Variants in DSCAM observed in about 807,000 individuals in gnomAD.
DSCAM encodes DS cell adhesion molecule.
Under a neutral mutation model 217.7 loss-of-function variants are expected in DSCAM, and 47 were observed. The observed-to-expected ratio is 0.22, with a 90% confidence interval of 0.17 to 0.28. DSCAM has a LOEUF of 0.28. DSCAM is among the 10% of genes least tolerant of loss of function. The pLI is 1.00. For synonymous variants in DSCAM, 1,056 were observed against 1,015.3 expected (o/e 1.04, Z -0.76); for missense variants, 2,080 against 2,618.3 (o/e 0.79, Z 4.49).
At chr21:40,079,344 T>C in intron 25 of DSCAM, among the ~76,000 whole-genome samples, 1 of 152,150 alleles carries the variant, frequency 6.6e-6, no homozygotes, top group East Asian at 1.9e-4. Context: ...GAAGACAGAG[T>C]TGGATTTGGG....
intron 4 of DSCAM, among the ~76,000 whole-genome samples, chr21:40,364,538 G>A (rs944544021): frequency 5.7e-5 from 8 of 139,304 alleles, no homozygotes; most frequent in African/African-American, 1.8e-4. Flanking sequence ...TGGGATGGGG[G>A]GAGGGGGGAG....
chr21:40,561,026 G>T (rs2076716395), intron 3 of DSCAM, among the ~76,000 whole-genome samples: 1 of 152,174 alleles, frequency 6.6e-6, no homozygotes, highest in African/African-American at 2.4e-5. Flanking sequence ...TACATTAAGT[G>T]TCGTATGTTA....
At chr21:40,246,037 C>T (rs1310537563) in intron 11 of DSCAM, among the ~76,000 whole-genome samples, 3 of 152,056 alleles carry the variant, frequency 2.0e-5, no homozygotes, top group Non-Finnish European at 4.4e-5. Context: ...TCTCTATAAA[C>T]CCCACCTCCT....
chr21:40,747,867 T>C lies in DSCAM; in HGVS notation c.44-39096A>G, dbSNP rs1349843136. ...ATTCAATAATATATTAAAAAGATAA[T>C]TCACCATGATCAAGTGGGATTCATC... On this transcript the variant is annotated intron_variant, in intron 1 of 32. Transcript: ENST00000400454. Among the ~76,000 whole-genome samples, 3 of 151,856 alleles carry C rather than the reference T, an allele frequency of 2.0e-5. No individual in the cohort carries two copies. The East Asian group carries it at 5.8e-4, about 29-fold the overall frequency.
intron 1 of DSCAM, among the ~76,000 whole-genome samples, chr21:40,712,239 G>C (rs529823336): frequency 1.4e-5 from 2 of 142,390 alleles, no homozygotes; most frequent in East Asian, 4.8e-4. Flanking sequence ...TGTGTAGTTT[G>C]TTTTATGAAA....
intron 11 of DSCAM, among the ~76,000 whole-genome samples, chr21:40,231,461 C>G (rs115111051): frequency 6.6e-6 from 1 of 152,008 alleles, no homozygotes; most frequent in African/African-American, 2.4e-5. Flanking sequence ...ATTCAGTTCT[C>G]TGTAAGAAAA....
chr21:40,387,812 G>A (rs2075100445), intron 3 of DSCAM, among the ~76,000 whole-genome samples: 1 of 152,070 alleles, frequency 6.6e-6, no homozygotes, highest in Non-Finnish European at 1.5e-5. Context: ...GTGAATAAGA[G>A]TATATCATAA....
At chr21:40,583,565 G>GA (rs977000893) in intron 3 of DSCAM, among the ~76,000 whole-genome samples, 34 of 151,812 alleles carry the variant, frequency 2.2e-4, no homozygotes, top group African/African-American at 8.2e-4. Context: ...GAGTGGGAAG[G>GA]AAAAAAGAGA....
At chr21:40,787,914 G>A (rs1436699371) in intron 1 of DSCAM, among the ~76,000 whole-genome samples, 1 of 152,126 alleles carries the variant, frequency 6.6e-6, no homozygotes. Flanking sequence ...TAGCAAACCT[G>A]AAGTAGTAAA....
intron 3 of DSCAM, among the ~76,000 whole-genome samples, chr21:40,605,312 G>A (rs2089217887): frequency 6.6e-6 from 1 of 152,150 alleles, no homozygotes; most frequent in South Asian, 2.1e-4. Flanking sequence ...TTGCAGACCA[G>A]TGGTTTGCCC....
intron 11 of DSCAM, among the ~76,000 whole-genome samples, chr21:40,263,293 T>C (rs2073479018): frequency 6.6e-6 from 1 of 152,194 alleles, no homozygotes; most frequent in South Asian, 2.1e-4. Flanking sequence ...GACAAAATCA[T>C]GTTTAGGTTT....
chr21:40,557,085 C>T (rs992074361), intron 3 of DSCAM, among the ~76,000 whole-genome samples: 2 of 152,106 alleles, frequency 1.3e-5, no homozygotes, highest in Non-Finnish European at 2.9e-5. Context: ...ACGGTTCAAA[C>T]CCATGTTGTT....
intron 3 of DSCAM, among the ~76,000 whole-genome samples, chr21:40,563,435 A>G (rs55908566): frequency 0.23 from 33,296 of 147,924 alleles, 3,890 homozygotes; most frequent in African/African-American, 0.27. Flanking sequence ...CCACCAGATC[A>G]ATGATAATAC....
chr21:40,023,274 G>A (rs980643843), intron 32 of DSCAM, among the ~76,000 whole-genome samples: 5 of 152,094 alleles, frequency 3.3e-5, no homozygotes, highest in African/African-American at 1.2e-4. Flanking sequence ...ATCATTGTTG[G>A]ACATTTGGGT....
chr21:40,446,087 C>T (rs1259748219), intron 3 of DSCAM, among the ~76,000 whole-genome samples: 1 of 152,110 alleles, frequency 6.6e-6, no homozygotes, highest in Non-Finnish European at 1.5e-5. Flanking sequence ...TATATTCTTA[C>T]GTGGGAACTT....
intron 3 of DSCAM, among the ~76,000 whole-genome samples, chr21:40,449,967 T>C (rs937651124): frequency 1.3e-5 from 2 of 152,216 alleles, no homozygotes; most frequent in African/African-American, 2.4e-5. Context: ...AAATTTAATA[T>C]GTTACATTTG....
chr21:40,098,999 G>A (rs1351587988), intron 20 of DSCAM, among the ~76,000 whole-genome samples: 2 of 152,142 alleles, frequency 1.3e-5, no homozygotes, highest in Non-Finnish European at 2.9e-5. Flanking sequence ...GAGACTGTAT[G>A]TACTTGCATT....
intron 15 of DSCAM, among the ~76,000 whole-genome samples, chr21:40,167,804 C>T (rs1329128798): frequency 1.3e-5 from 2 of 152,178 alleles, no homozygotes; most frequent in African/African-American, 2.4e-5. Flanking sequence ...CGGTGGCTCA[C>T]GCCTGTAATC....
chr21:40,061,449 A>T (rs114646029), intron 28 of DSCAM, among the ~76,000 whole-genome samples: 2,093 of 151,920 alleles, frequency 0.014, 48 homozygotes, highest in African/African-American at 0.047. Context: ...GGCGCCTGTA[A>T]TCGTGGCTCC....
Sources: gnomAD v4.1 joint callset for allele counts (sites outside exome capture counted in the v4.1 genomes callset) on GRCh38, gnomAD v4.1.1 for gene constraint, MANE v1.5 for transcripts, NCBI Gene and HGNC (gene_info 2026-07-23, HGNC 2026-07-21) for gene names.